Variants in RYR2 observed in about 807,000 individuals in gnomAD.
RYR2 encodes the protein ryanodine receptor 2.
RYR2 carries 227 observed loss-of-function variants against 601.1 expected under a neutral mutation model. The ratio of observed to expected loss-of-function variants is 0.38; its 90% CI spans 0.34 to 0.42. The LOEUF (loss-of-function observed/expected upper bound fraction) is 0.42. RYR2 is among the 10% of genes least tolerant of loss of function. The pLI is 1.00. For synonymous variants in RYR2, 2,223 were observed against 2,175.1 expected (o/e 1.02, Z -0.61); for missense variants, 4,646 against 6,156.5 (o/e 0.75, Z 8.21).
chr1:237,574,389 C>G (rs948315484), intron 29 of RYR2, among the ~76,000 whole-genome samples: 19 of 152,124 alleles, frequency 1.2e-4, no homozygotes, highest in African/African-American at 4.3e-4. Context: ...AAGATTGCTT[C>G]TAGGAATCTT....
rs560751969 is a variant in RYR2 at position 237,287,603 on chromosome 1, T to A, written c.168+16987T>A. On this transcript the variant is annotated intron_variant, in intron 2 of 104. Transcript: ENST00000366574. ...TCTTCTACTTGTTCAATTCTATTGC[T>A]GAGACTTTCCAGAGCATTTCACATT... Among the ~76,000 whole-genome samples the A allele has an allele frequency of 5.4e-4, 83 of 152,364 alleles. 2 individuals carry two copies. In the South Asian group the frequency reaches 0.017, roughly 31 times the overall value.
chr1:237,746,322 C>T (rs1003857747), intron 80 of RYR2, among the ~76,000 whole-genome samples: 2 of 152,078 alleles, frequency 1.3e-5, no homozygotes, highest in Non-Finnish European at 2.9e-5. Flanking sequence ...TGAATTCTAT[C>T]CCTATACCTG....
At chr1:237,356,778 T>G (rs549254297) in intron 4 of RYR2, among the ~76,000 whole-genome samples, 2 of 152,314 alleles carry the variant, frequency 1.3e-5, no homozygotes, top group South Asian at 2.1e-4. Context: ...GGATTCTGAA[T>G]GGAAATTAAA....
intron 13 of RYR2, among the ~76,000 whole-genome samples, chr1:237,443,055 A>T (rs73106464): frequency 0.026 from 3,920 of 152,264 alleles, 123 homozygotes; most frequent in East Asian, 0.12. Context: ...TTTCTCAGGA[A>T]CATGGCTGTC....
chr1:237,206,012 C>T (rs1344375129), intron 1 of RYR2, among the ~76,000 whole-genome samples: 1 of 152,232 alleles, frequency 6.6e-6, no homozygotes, highest in African/African-American at 2.4e-5. Flanking sequence ...GAGGAAATGG[C>T]TCAGGAAGTG....
chr1:237,548,162 A>G (rs1429090161), intron 25 of RYR2, among the ~76,000 whole-genome samples: 1 of 152,228 alleles, frequency 6.6e-6, no homozygotes, highest in Non-Finnish European at 1.5e-5. Context: ...AAACAATGAC[A>G]GGTCCTTTTC....
At chr1:237,763,373 A>T (rs1186035407) in intron 84 of RYR2, among the ~76,000 whole-genome samples, 1 of 152,204 alleles carries the variant, frequency 6.6e-6, no homozygotes, top group African/African-American at 2.4e-5. Context: ...GGAGGACGTG[A>T]CAAGCTGAGT....
At chr1:237,385,067 T>C (rs1701857942) in intron 8 of RYR2, among the ~76,000 whole-genome samples, 1 of 152,002 alleles carries the variant, frequency 6.6e-6, no homozygotes. Flanking sequence ...TTTTTTGTAT[T>C]TTTAGTAGAG....
intron 1 of RYR2, among the ~76,000 whole-genome samples, chr1:237,268,839 G>A (rs1367628327): frequency 7.0e-6 from 1 of 142,792 alleles, no homozygotes; most frequent in Admixed American, 7.3e-5. Context: ...GGGAGGCTGA[G>A]CCAGGAGAAT....
chr1:237,392,582 T>C (rs546792005), intron 10 of RYR2, among the ~76,000 whole-genome samples: 1 of 152,338 alleles, frequency 6.6e-6, no homozygotes, highest in East Asian at 1.9e-4. Context: ...CTAGATTTTG[T>C]TTCTAGATTG....
intron 90 of RYR2, 110 bp from the exon 91 acceptor site, chr1:237,785,859 A>C: frequency 2.6e-6 from 2 of 782,092 alleles, no homozygotes; most frequent in Non-Finnish European, 2.2e-6. Flanking sequence ...GGTATAAGCA[A>C]GAGGGTATCT....
intron 14 of RYR2, among the ~76,000 whole-genome samples, chr1:237,453,341 A>C (rs986163432): frequency 6.6e-6 from 1 of 152,150 alleles, no homozygotes; most frequent in Non-Finnish European, 1.5e-5. Context: ...GCTGAAATCA[A>C]ATATTCCAAA....
chr1:237,482,787 A>G (rs945586313), intron 17 of RYR2, among the ~76,000 whole-genome samples: 1 of 152,162 alleles, frequency 6.6e-6, no homozygotes, highest in South Asian at 2.1e-4. Context: ...AATGTTCTCC[A>G]TAGTGGTTGT....
chr1:237,407,849 C>G (rs1309580683), intron 10 of RYR2, among the ~76,000 whole-genome samples: 1 of 152,028 alleles, frequency 6.6e-6, no homozygotes, highest in Non-Finnish European at 1.5e-5. Flanking sequence ...ATCTCCTGAC[C>G]TCGTGATCCA....
At chr1:237,442,525 A>C (rs1220451646) in intron 13 of RYR2, among the ~76,000 whole-genome samples, 2 of 152,174 alleles carry the variant, frequency 1.3e-5, no homozygotes, top group Admixed American at 6.5e-5. Flanking sequence ...CTATTACATC[A>C]TTGACTATCC....
chr1:237,360,655 A>G (rs1699701049), intron 4 of RYR2, among the ~76,000 whole-genome samples: 1 of 152,228 alleles, frequency 6.6e-6, no homozygotes, highest in Non-Finnish European at 1.5e-5. Context: ...CTTTTTAAAC[A>G]TATCTGCATC....
At chr1:237,827,878 AGTGAG>A (rs1663320763) in intron 101 of RYR2, among the ~76,000 whole-genome samples, 1 of 132,476 alleles carries the variant, frequency 7.5e-6, no homozygotes, top group African/African-American at 2.8e-5. Context: ...CGGAGCTTGC[AGTGAG>A]CCGAGATTGT....
At chr1:237,323,843 G>A (rs1263488961) in intron 2 of RYR2, among the ~76,000 whole-genome samples, 4 of 152,170 alleles carry the variant, frequency 2.6e-5, no homozygotes, top group Admixed American at 2.6e-4. Context: ...TAAGACCGGG[G>A]AAAACCCAGA....
chr1:237,554,789 T>G (rs1670723424), intron 27 of RYR2, among the ~76,000 whole-genome samples: 1 of 152,058 alleles, frequency 6.6e-6, no homozygotes, highest in East Asian at 1.9e-4. Context: ...TGTGCTCTTA[T>G]TATTCTTTTA....
Sources: allele counts gnomAD v4.1 joint callset (sites outside exome capture counted in the v4.1 genomes callset), GRCh38; gene constraint gnomAD v4.1.1; transcripts MANE v1.5; gene names NCBI Gene and HGNC (gene_info 2026-07-23, HGNC 2026-07-21).